Variants in VPS13B observed in about 807,000 individuals in gnomAD.
The protein encoded by VPS13B is intermembrane lipid transfer protein VPS13B.
Under a neutral mutation model 426.4 loss-of-function variants are expected in VPS13B, and 285 were observed. The observed-to-expected ratio is 0.67, with a 90% CI of 0.61 to 0.74. The LOEUF is 0.74. Among genes scored for constraint, VPS13B ranks in the 30% least tolerant of loss-of-function variants. The pLI is 0.00. For synonymous variants in VPS13B, 1,676 were observed against 1,676.4 expected, an observed-to-expected ratio of 1.00 and a Z score of 0.01; for missense variants, 4,537 against 4,782.6, an observed-to-expected ratio of 0.95 and a Z score of 1.51.
At position 99,823,990 on chromosome 8, in the gene VPS13B, A is replaced by C; in HGVS notation, c.9330+12A>C. The C allele has an allele frequency of 6.2e-7, 1 of 1,610,914 alleles. No homozygotes were observed. Among genetic ancestry groups the C allele is most frequent in the Non-Finnish European group, 8.5e-7 (1 of 1,179,612 alleles). On this transcript the variant is annotated intron_variant, in intron 51 of 61. Coordinates refer to ENST00000357162, the MANE Select transcript of VPS13B (RefSeq NM_152564.5). ...ATTCTGGAAAGGAGGTAAGCAAATC[A>C]TAACGATTCTTTTGTCTAAGTTTTG... is the stretch of plus-strand genomic sequence containing the variant.
intron 17 of VPS13B, among the ~76,000 whole-genome samples, chr8:99,193,851 C>T (rs1239929982): frequency 6.6e-6 from 1 of 152,044 alleles, no homozygotes; most frequent in African/African-American, 2.4e-5. Flanking sequence ...TATCCCTTAT[C>T]CAAAGTGCTT....
chr8:99,870,731 G>C (rs772209241), intron 59 of VPS13B, 54 bp from the exon 60 acceptor site: 149 of 1,528,772 alleles, frequency 9.7e-5, no homozygotes, highest in Non-Finnish European at 1.3e-4. Context: ...ATTGCAGCAT[G>C]AAACTGTTTT....
intron 39 of VPS13B, among the ~76,000 whole-genome samples, chr8:99,752,801 A>G (rs1218215881): frequency 2.6e-5 from 4 of 152,230 alleles, no homozygotes; most frequent in Non-Finnish European, 5.9e-5. Flanking sequence ...ATAAATTTTG[A>G]AAGAACCAAC....
chr8:99,807,024 T>A lies in VPS13B; in HGVS notation c.7942-2351T>A, dbSNP rs1238204705. Among the ~76,000 whole-genome samples the A allele has an allele frequency of 2.0e-5, 3 of 152,224 alleles. No homozygotes were observed. In the East Asian group the frequency reaches 5.8e-4, roughly 29 times the overall value. On this transcript the variant is annotated intron_variant, in intron 43 of 61. Transcript: ENST00000357162. ...TGAATTATATGCATCTAATTGCCAA[T>A]GATATTTAGATGTTTTTTAACAGTA...
intron 55 of VPS13B, among the ~76,000 whole-genome samples, chr8:99,849,863 G>A (rs1283744432): frequency 6.6e-6 from 1 of 152,008 alleles, no homozygotes; most frequent in African/African-American, 2.4e-5. Context: ...AATAAAACAA[G>A]TAGAATATAA....
chr8:99,870,791 T>C lies in VPS13B; in HGVS notation c.11399T>C (p.Leu3800Ser). 3 of 1,614,208 alleles carry C rather than the reference T, an allele frequency of 1.9e-6. No individual in the cohort carries two copies. The highest frequency in any genetic ancestry group is 1.7e-6 in the Non-Finnish European group (2 of 1,180,008). The change falls in exon 60 of 62, where the codon TTA (leucine) becomes TCA (serine). Residue 3800 changes from leucine to serine, a missense_variant. Leu to Ser is a moderately radical substitution (Grantham distance 145, BLOSUM62 -2). Coordinates refer to ENST00000357162, the MANE Select transcript of VPS13B (RefSeq NM_152564.5). ...ELVSQTGYGI[L>S]HGAGLSQLPK... ...CTTACTTCTCTTACCACAGGTATTT[T>C]ACATGGAGCTGGACTTTCTCAGCTT...
At chr8:99,666,125 G>A (rs529902429) in intron 35 of VPS13B, among the ~76,000 whole-genome samples, 368 of 152,258 alleles carry the variant, frequency 2.4e-3, no homozygotes, top group Middle Eastern at 0.01. Context: ...TGTTATTGGT[G>A]TATAAGAATG....
chr8:99,749,021 A>G (rs935573253), intron 39 of VPS13B, among the ~76,000 whole-genome samples: 14 of 152,096 alleles, frequency 9.2e-5, no homozygotes, highest in African/African-American at 2.9e-4. Flanking sequence ...AGTTTACTAT[A>G]TAAACATGAG....
rs1270373472 is a variant in VPS13B, at chr8:99,778,757, T to C, written c.7505T>C (p.Phe2502Ser). Residue 2502 changes from phenylalanine (F) to serine (S), a missense_variant, in exon 42 of 62, where the codon TTC becomes TCC. By Grantham distance (155) the Phe-to-Ser change is radical. Around this residue, in one of 2 missense-constraint regions of VPS13B, gnomAD observed 4,311 missense variants for 4,474.3 expected, o/e 0.96. Coordinates refer to ENST00000357162, the MANE Select transcript of VPS13B (RefSeq NM_152564.5). Reference sequence around the variant, plus strand: ...GAACTAGAATACATGATTGTTTCCTTCAGAGAACCACACATGTATCTTCGA... The same window carrying C: ...GAACTAGAATACATGATTGTTTCCTCCAGAGAACCACACATGTATCTTCGA... ...PSELEYMIVS[F>S]REPHMYLRQW... The C allele has an allele frequency of 6.2e-7, 1 of 1,614,016 alleles. No individual in the cohort carries two copies. The highest frequency in any genetic ancestry group is 1.3e-5 in the African/African-American group (1 of 75,038).
chr8:99,844,624 C>A (rs1815883998), intron 54 of VPS13B, among the ~76,000 whole-genome samples: 1 of 152,160 alleles, frequency 6.6e-6, no homozygotes, highest in Non-Finnish European at 1.5e-5. Flanking sequence ...CCCGCCTCAG[C>A]CTCCCGAAGT....
intron 19 of VPS13B, among the ~76,000 whole-genome samples, chr8:99,311,970 T>C (rs1821004137): frequency 6.6e-6 from 1 of 152,186 alleles, no homozygotes; most frequent in East Asian, 1.9e-4. Context: ...TTAAAGTCTG[T>C]TTTATCACAG....
chr8:99,521,015 GT>G lies in VPS13B; in HGVS notation c.4745+8del, dbSNP rs1321328236. On this transcript the variant is annotated splice_donor_region_variant and intron_variant, in intron 30 of 61. Coordinates refer to ENST00000357162, the MANE Select transcript of VPS13B (RefSeq NM_152564.5). ...CCTTAGGAAAGATATTTACCAGTAAGTTTATTTTCTTATGTCCAATCTTGCA... is the reference window on the plus strand; with the variant it reads ...CCTTAGGAAAGATATTTACCAGTAAGTTATTTTCTTATGTCCAATCTTGCA... 6.2e-7 allele frequency: 1 copy of G among 1,611,244 alleles called. No homozygotes were observed. The highest frequency in any genetic ancestry group is 8.5e-7 in the Non-Finnish European group (1 of 1,177,668).
intron 30 of VPS13B, among the ~76,000 whole-genome samples, chr8:99,531,564 TC>T (rs1207186906): frequency 6.6e-6 from 1 of 152,156 alleles, no homozygotes; most frequent in African/African-American, 2.4e-5. Flanking sequence ...TCTCTCTTCA[TC>T]CCATTGTATA....
intron 16 of VPS13B, among the ~76,000 whole-genome samples, chr8:99,174,978 C>T (rs971561142): frequency 1.3e-5 from 2 of 152,060 alleles, no homozygotes. Flanking sequence ...TTTTATGTTT[C>T]AGTGAATGCA....
At chr8:99,343,249 A>G (rs938861299) in intron 19 of VPS13B, among the ~76,000 whole-genome samples, 7 of 151,844 alleles carry the variant, frequency 4.6e-5, no homozygotes, top group Non-Finnish European at 8.8e-5. Flanking sequence ...ACGCACCACC[A>G]TGCCCAGCTA....
In VPS13B at chr8:99,577,605, G is replaced by T; in HGVS notation, c.5192G>T (p.Gly1731Val). Residue 1731 changes from glycine to valine, a missense_variant, in exon 33 of 62, where the codon GGA becomes GTA. Physicochemically the swap from Gly to Val is moderately radical, Grantham distance 109. Transcript: ENST00000357162. The part of the protein sequence containing the change: ...LHQLIVANMT[G>V]LEPSNKAAEI... ...CAGTTAATAGTAGCAAATATGACTG[G>T]ACTGGAACCATCAAACAAGGCTGCA... is the stretch of plus-strand genomic sequence containing the variant. The T allele has an allele frequency of 6.2e-7, 1 of 1,613,760 alleles. No individual in the cohort carries two copies.
chr8:99,869,580 G>A (rs1817287068), intron 59 of VPS13B, among the ~76,000 whole-genome samples: 1 of 152,178 alleles, frequency 6.6e-6, no homozygotes, highest in African/African-American at 2.4e-5. Flanking sequence ...TCAATAAGAT[G>A]TGCTATAACC....
chr8:99,662,744 G>A (rs771856308), intron 35 of VPS13B, among the ~76,000 whole-genome samples: 7,257 of 152,110 alleles, frequency 0.048, 189 homozygotes, highest in African/African-American at 0.065. Context: ...CACTGCTCCT[G>A]GCCATTAAGA....
At chr8:99,618,282 C>CAA (rs11301760) in intron 33 of VPS13B, among the ~76,000 whole-genome samples, 6,002 of 117,148 alleles carry the variant, frequency 0.051, 141 homozygotes, top group Middle Eastern at 0.071. Flanking sequence ...GTGTATATTT[C>CAA]AAAAAAAAAA....
Sources: gnomAD v4.1 joint callset for allele counts (sites outside exome capture counted in the v4.1 genomes callset) on GRCh38, gnomAD v4.1.1 for gene constraint, gnomAD v4.1.1 regional missense constraint, MANE v1.5 for transcripts, NCBI Gene and HGNC (gene_info 2026-07-23, HGNC 2026-07-21) for gene names.